The following CNOT2 variants were observed in gnomAD, a reference collection of about 807,000 sequenced individuals.
CNOT2 encodes CCR4-NOT transcription complex subunit 2, also known as CC chemokine receptor 4-negative regulator of transcription 2.
Under a neutral mutation model 72.1 loss-of-function variants are expected in CNOT2, and 7 were observed. That is an observed-to-expected ratio of 0.10 (90% confidence interval 0.06 to 0.18). The LOEUF is 0.18. Among genes scored for constraint, CNOT2 ranks in the 10% least tolerant of loss-of-function variants. The probability of loss-of-function intolerance (pLI) is 1.00; values close to 1 mark genes in which losing one functional copy is unlikely to be tolerated. For synonymous variants in CNOT2, 196 were observed against 225.6 expected, an observed-to-expected ratio of 0.87 and a Z score of 1.17; for missense variants, 345 against 660.3, an observed-to-expected ratio of 0.52 and a Z score of 5.23.
At chr12:70,254,328 G>A (rs541093955) in intron 1 of CNOT2, among the ~76,000 whole-genome samples, 1 of 151,944 alleles carries the variant, frequency 6.6e-6, no homozygotes, top group South Asian at 2.1e-4. Flanking sequence ...TGTACTTCTT[G>A]TGATCTGTCA....
chr12:70,306,934 G>C (rs953149944), intron 2 of CNOT2, among the ~76,000 whole-genome samples: 1 of 152,196 alleles, frequency 6.6e-6, no homozygotes, highest in Non-Finnish European at 1.5e-5. Context: ...TACGAATTCT[G>C]TAGGCAGTTG....
intron 1 of CNOT2, among the ~76,000 whole-genome samples, chr12:70,266,409 C>T (rs762354202): frequency 2.6e-5 from 4 of 152,158 alleles, no homozygotes; most frequent in African/African-American, 4.8e-5. Flanking sequence ...AGGCGTGAGC[C>T]ACAGCACCCG....
chr12:70,293,978 G>A, intron 2 of CNOT2: 1 of 400,050 alleles, frequency 2.5e-6, no homozygotes, highest in African/African-American at 2.1e-5. Context: ...AGATGAATCT[G>A]GGTTTGGCCA....
intron 3 of CNOT2, among the ~76,000 whole-genome samples, chr12:70,316,687 G>T (rs184644122): frequency 1.6e-3 from 241 of 152,246 alleles, no homozygotes; most frequent in Non-Finnish European, 2.3e-3. Context: ...GGCACATAGA[G>T]AAAATTGTAT....
chr12:70,318,320 A>G (rs542336513), intron 3 of CNOT2, among the ~76,000 whole-genome samples: 8 of 152,056 alleles, frequency 5.3e-5, no homozygotes, highest in African/African-American at 1.9e-4. Flanking sequence ...ATCTCCTTTC[A>G]TAGTTATCCT....
At chr12:70,312,954 A>G (rs1184195924) in intron 3 of CNOT2, among the ~76,000 whole-genome samples, 1 of 151,990 alleles carries the variant, frequency 6.6e-6, no homozygotes, top group Non-Finnish European at 1.5e-5. Context: ...AAATATTTTT[A>G]TTGAAAAATA....
At chr12:70,262,574 C>CTAAT (rs1189437616) in intron 1 of CNOT2, among the ~76,000 whole-genome samples, 2 of 152,240 alleles carry the variant, frequency 1.3e-5, no homozygotes, top group African/African-American at 4.8e-5. Flanking sequence ...GGCGCCCGGC[C>CTAAT]TAATTACATA....
chr12:70,262,742 C>T (rs1466317371), intron 1 of CNOT2, among the ~76,000 whole-genome samples: 1 of 151,042 alleles, frequency 6.6e-6, no homozygotes, highest in Non-Finnish European at 1.5e-5. Context: ...GGTGTGATCT[C>T]GGCTCACCGC....
At chr12:70,278,564 A>G in intron 2 of CNOT2, 1 of 311,450 alleles carries the variant, frequency 3.2e-6, no homozygotes, top group Non-Finnish European at 5.9e-6. Context: ...GACTGAATTC[A>G]AAATGGTAAA....
At chr12:70,295,146 A>G (rs982559546) in intron 2 of CNOT2, among the ~76,000 whole-genome samples, 1 of 152,174 alleles carries the variant, frequency 6.6e-6, no homozygotes, top group Non-Finnish European at 1.5e-5. Context: ...TCTATCCCAT[A>G]TAATTCATGT....
intron 3 of CNOT2, among the ~76,000 whole-genome samples, chr12:70,316,094 T>C (rs1877285679): frequency 6.6e-6 from 1 of 152,108 alleles, no homozygotes; most frequent in South Asian, 2.1e-4. Flanking sequence ...GTAGTTATTT[T>C]CATTTTATAG....
At chr12:70,261,656 T>G (rs11178162) in intron 1 of CNOT2, among the ~76,000 whole-genome samples, 2,047 of 152,140 alleles carry the variant, frequency 0.013, 45 homozygotes, top group African/African-American at 0.046. Context: ...CAGTCTGTAG[T>G]TTTCATTTCT....
intron 1 of CNOT2, among the ~76,000 whole-genome samples, chr12:70,248,557 C>G (rs2135691005): frequency 6.6e-6 from 1 of 152,236 alleles, no homozygotes; most frequent in Admixed American, 6.5e-5. Context: ...TTACCTTTCT[C>G]AAATCTGAAA....
chr12:70,243,848 C>CCCGCCAGCGCGGAGGAGCCGCTG (rs1405886865), intron 1 of CNOT2: 6 of 152,082 alleles, frequency 3.9e-5, no homozygotes, highest in African/African-American at 1.4e-4. Flanking sequence ...CCCCTAGGCT[C>CCCGCCAGCGCGGAGGAGCCGCTG]CCGCCAGCGC....
chr12:70,352,089 T>C (rs999359011), intron 15 of CNOT2, among the ~76,000 whole-genome samples: 1 of 152,190 alleles, frequency 6.6e-6, no homozygotes, highest in African/African-American at 2.4e-5. Flanking sequence ...CTGAATTCTT[T>C]CAGCATTTCT....
In CNOT2 at chr12:70,310,897, G is replaced by T; in HGVS notation, c.51G>T (p.Val17=). ...HTLSEKRNYQ[V]TNSMFGASRK... ...ATAAAAGTAATATTTTTGTTTAGGT[G>T]ACAAACAGCATGTTTGGTGCTTCAA... The change falls in exon 3 of 16, where the codon GTG becomes GTT. Residue 17 remains valine, a splice_region_variant and synonymous_variant. Coordinates refer to ENST00000229195, the MANE Select transcript of CNOT2 (RefSeq NM_014515.7). The T allele has an allele frequency of 6.2e-7, 1 of 1,611,004 alleles. No homozygotes were observed. The highest frequency in any genetic ancestry group is 1.1e-5 in the South Asian group (1 of 90,642).
chr12:70,297,760 CGTG>C (rs1366331401), intron 2 of CNOT2: 1 of 372,256 alleles, frequency 2.7e-6, no homozygotes, highest in Non-Finnish European at 5.2e-6. Flanking sequence ...ATTTTTGAGA[CGTG>C]GTCTCACTCT....
At chr12:70,353,774 A>G (rs1428734684) in intron 15 of CNOT2, 55 bp from the exon 16 acceptor site, 3 of 1,594,024 alleles carry the variant, frequency 1.9e-6, no homozygotes, top group Non-Finnish European at 2.6e-6. Context: ...ATGTATTTTG[A>G]CAAATGTAAA....
Position 70,299,877 on chromosome 12 carries a change from T to C in CNOT2, c.49-11018T>C, listed in dbSNP as rs986648060. Among the ~76,000 whole-genome samples the C allele has an allele frequency of 3.9e-4, 60 of 152,288 alleles. 1 individual carries two copies. Among genetic ancestry groups the C allele is most frequent in the Admixed American group, 2.1e-3 (32 of 15,294 alleles). On this transcript the variant is annotated intron_variant, in intron 2 of 15. Transcript: ENST00000229195. ...TGTTCCTATTTCTCCACATCCTCTC[T>C]AGCACCTGTTGTTTCCTGACTTTTT...
Sources: allele counts gnomAD v4.1 joint callset (sites outside exome capture counted in the v4.1 genomes callset), GRCh38; gene constraint gnomAD v4.1.1; transcripts MANE v1.5; gene names NCBI Gene and HGNC (gene_info 2026-07-23, HGNC 2026-07-21).